Variants in PDE4B observed in about 807,000 individuals in gnomAD.
PDE4B encodes phosphodiesterase 4B.
A neutral mutation model predicts 82.2 loss-of-function variants in PDE4B; 20 were observed. The ratio of observed to expected loss-of-function variants is 0.24; its 90% confidence interval spans 0.17 to 0.35. The LOEUF (loss-of-function observed/expected upper bound fraction) is 0.35. Among genes scored for constraint, PDE4B ranks in the 10% least tolerant of loss-of-function variants. The pLI is 1.00. For synonymous variants in PDE4B, 320 were observed against 318.9 expected (o/e 1.00, Z -0.04); for missense variants, 655 against 907.2 (o/e 0.72, Z 3.57).
intron 3 of PDE4B, among the ~76,000 whole-genome samples, chr1:66,038,879 A>G (rs896676156): frequency 6.6e-6 from 1 of 152,108 alleles, no homozygotes; most frequent in African/African-American, 2.4e-5. Flanking sequence ...ATTATCTTCT[A>G]TGTTTTCTGT....
chr1:65,911,450 T>C (rs1001156966), intron 1 of PDE4B, among the ~76,000 whole-genome samples: 1 of 152,180 alleles, frequency 6.6e-6, no homozygotes, highest in South Asian at 2.1e-4. Flanking sequence ...TCATTGAGTA[T>C]GTATAGTTTT....
intron 7 of PDE4B, among the ~76,000 whole-genome samples, chr1:66,301,668 A>G (rs145244963): frequency 6.6e-6 from 1 of 152,254 alleles, no homozygotes; most frequent in East Asian, 1.9e-4. Flanking sequence ...TCATGATAGA[A>G]TAGTAACAAT....
intron 3 of PDE4B, among the ~76,000 whole-genome samples, chr1:66,081,617 C>G (rs923005466): frequency 6.6e-6 from 1 of 151,876 alleles, no homozygotes; most frequent in African/African-American, 2.4e-5. Flanking sequence ...GTTGATGATT[C>G]TAAAGGAAAT....
intron 3 of PDE4B, among the ~76,000 whole-genome samples, chr1:66,160,577 C>G (rs187086862): frequency 2.6e-5 from 4 of 152,134 alleles, no homozygotes; most frequent in Non-Finnish European, 5.9e-5. Context: ...CTGAAAGGGT[C>G]GCACTCAGCA....
chr1:66,080,169 T>C (rs370832369), intron 3 of PDE4B, among the ~76,000 whole-genome samples: 4 of 152,248 alleles, frequency 2.6e-5, no homozygotes, highest in African/African-American at 7.2e-5. Flanking sequence ...ATTGACCAGA[T>C]TGACATTTCT....
chr1:66,261,538 A>C (rs1654682289), intron 6 of PDE4B, among the ~76,000 whole-genome samples: 1 of 152,212 alleles, frequency 6.6e-6, no homozygotes, highest in Admixed American at 6.5e-5. Flanking sequence ...AGTGGTTTTC[A>C]TGAGACATCT....
At chr1:66,019,248 C>T (rs1937446) in intron 3 of PDE4B, among the ~76,000 whole-genome samples, 10,952 of 151,746 alleles carry the variant, frequency 0.072, 440 homozygotes, top group South Asian at 0.14. Flanking sequence ...ATTTAAAAAG[C>T]AATTTTTAGA....
At chr1:66,117,767 A>C (rs547465744) in intron 3 of PDE4B, among the ~76,000 whole-genome samples, 129 of 152,210 alleles carry the variant, frequency 8.5e-4, no homozygotes, top group Non-Finnish European at 1.5e-3. Flanking sequence ...GTTCTGGTAC[A>C]TTTTTCTTTT....
chr1:66,257,177 G>C (rs750921704), intron 4 of PDE4B, among the ~76,000 whole-genome samples: 1 of 152,136 alleles, frequency 6.6e-6, no homozygotes, highest in Non-Finnish European at 1.5e-5. Flanking sequence ...ACAGAAATCT[G>C]TGTTTAAATG....
intron 7 of PDE4B, among the ~76,000 whole-genome samples, chr1:66,272,750 A>C (rs539234409): frequency 6.8e-6 from 1 of 147,652 alleles, no homozygotes; most frequent in Non-Finnish European, 1.5e-5. Context: ...TCCCCACTCT[A>C]AACCAGCTTC....
chr1:66,030,412 CTTTGGT>C, intron 3 of PDE4B, among the ~76,000 whole-genome samples: 2 of 152,256 alleles, frequency 1.3e-5, no homozygotes, highest in Middle Eastern at 3.4e-3. Flanking sequence ...TTTGAAAGGG[CTTTGGT>C]AGGATTAATA....
At chr1:66,204,306 G>C (rs1649337011) in intron 3 of PDE4B, among the ~76,000 whole-genome samples, 1 of 152,254 alleles carries the variant, frequency 6.6e-6, no homozygotes, top group South Asian at 2.1e-4. Flanking sequence ...GGACCCACTT[G>C]AGGCAGCAGT....
intron 3 of PDE4B, among the ~76,000 whole-genome samples, chr1:66,178,822 C>G (rs1646991415): frequency 6.6e-6 from 1 of 152,026 alleles, no homozygotes; most frequent in South Asian, 2.1e-4. Flanking sequence ...GAATGTCAAT[C>G]AACTGTTCAG....
chr1:66,250,426 A>G (rs1205590655), intron 4 of PDE4B, among the ~76,000 whole-genome samples: 1 of 152,240 alleles, frequency 6.6e-6, no homozygotes, highest in Non-Finnish European at 1.5e-5. Flanking sequence ...AATTTTTCTC[A>G]TCTGAATTTT....
chr1:66,301,327 G>T (rs1299669675), intron 7 of PDE4B, among the ~76,000 whole-genome samples: 1 of 152,066 alleles, frequency 6.6e-6, no homozygotes, highest in Non-Finnish European at 1.5e-5. Flanking sequence ...TAAGAGGTTT[G>T]GGCCTTGGAG....
chr1:66,165,028 TGG>T (rs1311391105), intron 3 of PDE4B, among the ~76,000 whole-genome samples: 1 of 152,276 alleles, frequency 6.6e-6, no homozygotes, highest in East Asian at 1.9e-4. Flanking sequence ...CCCAAAGTGC[TGG>T]GATTACAGGG....
At chr1:66,245,199 T>C (rs150768817) in intron 3 of PDE4B, among the ~76,000 whole-genome samples, 1 of 152,298 alleles carries the variant, frequency 6.6e-6, no homozygotes, top group Non-Finnish European at 1.5e-5. Context: ...AGTTACTGGA[T>C]CACCAAGAAG....
At chr1:66,121,980 T>A (rs1645718442) in intron 3 of PDE4B, among the ~76,000 whole-genome samples, 1 of 152,186 alleles carries the variant, frequency 6.6e-6, no homozygotes, top group South Asian at 2.1e-4. Flanking sequence ...CTGTCTTTCT[T>A]CCTTCCTCCT....
intron 7 of PDE4B, chr1:66,332,224 G>T: frequency 6.9e-7 from 1 of 1,442,972 alleles, no homozygotes; most frequent in East Asian, 2.5e-5. Flanking sequence ...ATAAGAGACC[G>T]TTCCCTCCGC....
Sources: allele counts gnomAD v4.1 joint callset (sites outside exome capture counted in the v4.1 genomes callset), GRCh38; gene constraint gnomAD v4.1.1; transcripts MANE v1.5; gene names NCBI Gene and HGNC (gene_info 2026-07-23, HGNC 2026-07-21).